Variants in STXBP5L observed in about 807,000 individuals in gnomAD.
STXBP5L encodes syntaxin-binding protein 5-like.
A neutral mutation model predicts 144.5 loss-of-function variants in STXBP5L; 65 were observed. The ratio of observed to expected loss-of-function variants is 0.45; its 90% CI spans 0.37 to 0.55. STXBP5L has a LOEUF of 0.55. STXBP5L is among the 20% of genes least tolerant of loss of function. STXBP5L has a pLI of 0.00. For synonymous variants in STXBP5L, 505 were observed against 469.6 expected, an observed-to-expected ratio of 1.08 and a Z score of -0.97; for missense variants, 1,298 against 1,405.5, an observed-to-expected ratio of 0.92 and a Z score of 1.22.
chr3:121,333,411 C>T (rs181917593), intron 20 of STXBP5L, among the ~76,000 whole-genome samples: 2 of 152,072 alleles, frequency 1.3e-5, no homozygotes, highest in Admixed American at 6.6e-5. Context: ...TAAATACCCA[C>T]ATCAAAAAGT....
At chr3:121,023,808 T>C (rs896537307) in intron 3 of STXBP5L, among the ~76,000 whole-genome samples, 1 of 152,084 alleles carries the variant, frequency 6.6e-6, no homozygotes, top group Non-Finnish European at 1.5e-5. Context: ...CAGGCTGGAG[T>C]GCAGTGGTGC....
rs1408293967 is a variant in STXBP5L, at chr3:121,392,026, A to G, written c.2587+10494A>G. On this transcript the variant is annotated intron_variant, in intron 22 of 26. Transcript: ENST00000471454. ...CTGCCCACAGAGGTGGAGTCTAGAGATAGTAGGCCTTGTTGAGCTGTGGTG... is the reference window on the plus strand; with the variant it reads ...CTGCCCACAGAGGTGGAGTCTAGAGGTAGTAGGCCTTGTTGAGCTGTGGTG... 2.6e-5 allele frequency among the ~76,000 whole-genome samples: 4 copies of G among 152,180 alleles called. No homozygotes were observed. In the East Asian group the frequency reaches 7.7e-4, roughly 29 times the overall value.
intron 3 of STXBP5L, among the ~76,000 whole-genome samples, chr3:120,971,853 T>A (rs1350741326): frequency 1.3e-5 from 2 of 151,638 alleles, no homozygotes; most frequent in African/African-American, 4.8e-5. Context: ...TATTATAATA[T>A]CCATGCGCAC....
At chr3:121,312,743 C>T (rs976015066) in intron 19 of STXBP5L, among the ~76,000 whole-genome samples, 13 of 151,842 alleles carry the variant, frequency 8.6e-5, no homozygotes, top group African/African-American at 2.9e-4. Flanking sequence ...GCTGAGTGGA[C>T]ACAGCACATG....
chr3:121,031,578 G>T (rs569333726), intron 3 of STXBP5L, among the ~76,000 whole-genome samples: 2 of 151,920 alleles, frequency 1.3e-5, no homozygotes, highest in Non-Finnish European at 2.9e-5. Context: ...CAGGGAACTT[G>T]GTCTTATAAG....
intron 20 of STXBP5L, among the ~76,000 whole-genome samples, chr3:121,370,113 T>C (rs1285361574): frequency 6.6e-6 from 1 of 152,020 alleles, no homozygotes; most frequent in African/African-American, 2.4e-5. Context: ...TGTTTGTAAA[T>C]CCAGCACTTT....
At chr3:121,250,663 G>T (rs1559905416) in intron 14 of STXBP5L, 60 bp from the exon 15 acceptor site, 2 of 1,370,780 alleles carry the variant, frequency 1.5e-6, no homozygotes, top group East Asian at 2.4e-5. Flanking sequence ...CTGTACATTT[G>T]GAGTGATTAT....
chr3:120,957,455 G>A (rs1047404068), intron 3 of STXBP5L, among the ~76,000 whole-genome samples: 1 of 151,912 alleles, frequency 6.6e-6, no homozygotes, highest in Non-Finnish European at 1.5e-5. Flanking sequence ...TGAGTATTTT[G>A]TTGAGGATTT....
chr3:121,307,913 CAAAAAG>C (rs990850621), intron 19 of STXBP5L, among the ~76,000 whole-genome samples: 2 of 151,744 alleles, frequency 1.3e-5, no homozygotes, highest in Middle Eastern at 3.2e-3. Flanking sequence ...AGGCAAAAAA[CAAAAAG>C]AAAATCTTGA....
At chr3:121,368,083 CTT>C (rs1359296831) in intron 20 of STXBP5L, among the ~76,000 whole-genome samples, 1 of 151,906 alleles carries the variant, frequency 6.6e-6, no homozygotes, top group African/African-American at 2.4e-5. Flanking sequence ...TTCTGTCTCT[CTT>C]CCTTTTTTTT....
intron 3 of STXBP5L, among the ~76,000 whole-genome samples, chr3:120,989,889 A>C (rs1035716696): frequency 6.6e-6 from 1 of 152,154 alleles, no homozygotes; most frequent in Admixed American, 6.6e-5. Flanking sequence ...TCTCTTTGAA[A>C]ACTGGCACAA....
intron 8 of STXBP5L, among the ~76,000 whole-genome samples, chr3:121,156,996 T>G (rs962557857): frequency 1.3e-5 from 2 of 152,024 alleles, no homozygotes; most frequent in Non-Finnish European, 2.9e-5. Flanking sequence ...CTTATCTGAC[T>G]CAAAACTACA....
intron 19 of STXBP5L, among the ~76,000 whole-genome samples, chr3:121,297,362 A>T (rs968741438): frequency 2.6e-5 from 4 of 152,168 alleles, no homozygotes; most frequent in Non-Finnish European, 4.4e-5. Flanking sequence ...ATTGTGACTC[A>T]TAATTGAGTG....
chr3:120,997,338 C>T (rs549404962), intron 3 of STXBP5L, among the ~76,000 whole-genome samples: 4 of 152,108 alleles, frequency 2.6e-5, no homozygotes, highest in Admixed American at 1.3e-4. Context: ...AATGATAGTT[C>T]TGTTTTAAGT....
chr3:121,153,526 A>C (rs926316674), intron 8 of STXBP5L, among the ~76,000 whole-genome samples: 1 of 151,980 alleles, frequency 6.6e-6, no homozygotes, highest in Non-Finnish European at 1.5e-5. Flanking sequence ...ATTTTAGAAC[A>C]CTTCCTTATT....
intron 9 of STXBP5L, among the ~76,000 whole-genome samples, chr3:121,188,923 A>C (rs1473841592): frequency 6.6e-6 from 1 of 152,096 alleles, no homozygotes. Flanking sequence ...CTGCCTCACC[A>C]CTCCTATTCA....
chr3:121,010,857 G>T (rs1409008344), intron 3 of STXBP5L, among the ~76,000 whole-genome samples: 1 of 151,678 alleles, frequency 6.6e-6, no homozygotes, highest in African/African-American at 2.4e-5. Flanking sequence ...ACTTTGAGTA[G>T]GTTGAGAAGG....
intron 3 of STXBP5L, among the ~76,000 whole-genome samples, chr3:121,026,714 A>G (rs991413045): frequency 6.6e-6 from 1 of 152,024 alleles, no homozygotes; most frequent in South Asian, 2.1e-4. Context: ...AAGAATAGGA[A>G]TAAGAGAAAA....
chr3:121,063,414 C>A (rs2041381761), intron 5 of STXBP5L, among the ~76,000 whole-genome samples: 1 of 152,146 alleles, frequency 6.6e-6, no homozygotes, highest in African/African-American at 2.4e-5. Flanking sequence ...TGGAGCTCTC[C>A]TGTATGAGGT....
Sources: allele counts gnomAD v4.1 joint callset (sites outside exome capture counted in the v4.1 genomes callset), GRCh38; gene constraint gnomAD v4.1.1; transcripts MANE v1.5; gene names NCBI Gene and HGNC (gene_info 2026-07-23, HGNC 2026-07-21).